DPH6: variants seen among roughly 807,000 people sequenced by gnomAD.
DPH6 encodes the protein diphthine--ammonia ligase.
In DPH6, 33 loss-of-function variants were observed where a neutral mutation model predicts 38.2. That is an observed-to-expected ratio of 0.86 (90% CI 0.65 to 1.15). The LOEUF (loss-of-function observed/expected upper bound fraction) is 1.15, where lower values mean the gene tolerates loss of function less well. Among genes scored for constraint, DPH6 ranks in the 50% most tolerant of loss-of-function variants. The pLI, the probability that DPH6 is intolerant of heterozygous loss-of-function variation, is 0.00. For missense variants in DPH6, 325 were observed against 320.0 expected, an observed-to-expected ratio of 1.02 and a Z score of -0.12; for synonymous variants, 108 against 103.0, an observed-to-expected ratio of 1.05 and a Z score of -0.30.
downstream of DPH6, among the ~76,000 whole-genome samples, chr15:35,212,426 C>A (rs189737913): frequency 5.9e-5 from 9 of 152,202 alleles, 1 homozygote; most frequent in African/African-American, 2.2e-4. Flanking sequence ...AAAAGAAATA[C>A]AAGCAGGTTA....
At chr15:35,496,652 T>C (rs539385322) in intron 3 of DPH6, among the ~76,000 whole-genome samples, 1 of 140,920 alleles carries the variant, frequency 7.1e-6, no homozygotes, top group East Asian at 2.2e-4. Context: ...GCAACAGACT[T>C]GACCAGGGAT....
intron 3 of DPH6, among the ~76,000 whole-genome samples, chr15:35,318,470 C>CAT (rs2052212085): frequency 1.3e-5 from 2 of 151,988 alleles, no homozygotes; most frequent in African/African-American, 4.8e-5. Flanking sequence ...ACTTAATTGG[C>CAT]ATATATATAA....
chr15:35,173,789 G>A, the DPH6 span, among the ~76,000 whole-genome samples: 1 of 152,010 alleles, frequency 6.6e-6, no homozygotes, highest in African/African-American at 2.4e-5. Flanking sequence ...GATACCGAAG[G>A]TCCTGCTCTA....
At chr15:35,166,288 C>T in the DPH6 span, among the ~76,000 whole-genome samples, 2 of 151,870 alleles carry the variant, frequency 1.3e-5, no homozygotes, top group African/African-American at 4.8e-5. Flanking sequence ...CTGTTTATAA[C>T]ACTTATTTTA....
intron 3 of DPH6, among the ~76,000 whole-genome samples, chr15:35,257,159 A>G (rs1345226819): frequency 1.3e-5 from 2 of 152,232 alleles, no homozygotes; most frequent in Admixed American, 1.3e-4. Context: ...AGATGACATT[A>G]GCATAGCATA....
At chr15:35,428,431 C>A (rs1373430633) in intron 5 of DPH6, among the ~76,000 whole-genome samples, 1 of 151,818 alleles carries the variant, frequency 6.6e-6, no homozygotes, top group African/African-American at 2.4e-5. Flanking sequence ...CTCCAAAAAG[C>A]AAACTTAGTC....
chr15:35,341,653 G>T (rs1341829074), intron 3 of DPH6, among the ~76,000 whole-genome samples: 1 of 152,166 alleles, frequency 6.6e-6, no homozygotes, highest in Non-Finnish European at 1.5e-5. Flanking sequence ...GTCCACTCCA[G>T]ACTCTAGTTG....
chr15:35,348,437 T>C (rs955796487), intron 3 of DPH6, among the ~76,000 whole-genome samples: 11 of 152,316 alleles, frequency 7.2e-5, no homozygotes, highest in African/African-American at 2.4e-4. Context: ...ACATCTTTGC[T>C]GAAAATCATT....
chr15:35,224,407 T>G (rs1254416868), intron 3 of DPH6, among the ~76,000 whole-genome samples: 1 of 152,172 alleles, frequency 6.6e-6, no homozygotes, highest in Non-Finnish European at 1.5e-5. Context: ...ACGCCTGGCC[T>G]GATTTTAGCT....
intron 5 of DPH6, among the ~76,000 whole-genome samples, chr15:35,442,865 G>A (rs1161316479): frequency 1.3e-5 from 2 of 152,110 alleles, no homozygotes; most frequent in African/African-American, 4.8e-5. Context: ...CTTAAAGCTG[G>A]GAGCAGTGGG....
chr15:35,271,368 T>C (rs1420778406), intron 3 of DPH6, among the ~76,000 whole-genome samples: 2 of 152,162 alleles, frequency 1.3e-5, no homozygotes, highest in Non-Finnish European at 2.9e-5. Flanking sequence ...TATGAAAATA[T>C]ATTCTTTGCA....
chr15:35,327,819 G>C (rs8029270), downstream of DPH6, among the ~76,000 whole-genome samples: 45,886 of 151,996 alleles, frequency 0.3, 7,056 homozygotes, highest in South Asian at 0.4. Context: ...TAGATAAATA[G>C]AGTATTTTGA....
At chr15:35,340,883 T>TA (rs1300839880) in intron 3 of DPH6, among the ~76,000 whole-genome samples, 1 of 152,154 alleles carries the variant, frequency 6.6e-6, no homozygotes, top group African/African-American at 2.4e-5. Context: ...TGGAGTATCT[T>TA]ACTGTGGTTC....
At chr15:35,224,787 T>C (rs895712259) in intron 3 of DPH6, among the ~76,000 whole-genome samples, 3 of 152,230 alleles carry the variant, frequency 2.0e-5, no homozygotes, top group Non-Finnish European at 2.9e-5. Flanking sequence ...GTGGATTTAA[T>C]AGATTTTTAA....
intron 3 of DPH6, among the ~76,000 whole-genome samples, chr15:35,253,390 T>C (rs1818803296): frequency 6.6e-6 from 1 of 152,186 alleles, no homozygotes; most frequent in African/African-American, 2.4e-5. Context: ...AGGAACTATA[T>C]GAATAAAACA....
chr15:35,382,741 G>C (rs776831666), intron 6 of DPH6, among the ~76,000 whole-genome samples: 7 of 151,814 alleles, frequency 4.6e-5, no homozygotes, highest in Non-Finnish European at 8.8e-5. Context: ...AGTTCCAAGG[G>C]CACTGAGAAC....
the DPH6 span, among the ~76,000 whole-genome samples, chr15:35,199,744 A>G: frequency 6.6e-6 from 1 of 152,144 alleles, no homozygotes; most frequent in Non-Finnish European, 1.5e-5. Flanking sequence ...CTACAACACA[A>G]GACAAAATGG....
intron 3 of DPH6, chr15:35,520,228 AAC>A (rs1491467997): frequency 0.077 from 39,623 of 513,996 alleles, 946 homozygotes; most frequent in African/African-American, 0.2. Flanking sequence ...TACAAAAAAA[AAC>A]AAAAAAAAAA....
chr15:35,358,058 T>A (rs965891649), intron 3 of DPH6, among the ~76,000 whole-genome samples: 5 of 152,206 alleles, frequency 3.3e-5, no homozygotes, highest in Admixed American at 1.3e-4. Context: ...ATCCCAGGCT[T>A]CTTGGAGGCT....
Sources: gnomAD v4.1 joint callset for allele counts (sites outside exome capture counted in the v4.1 genomes callset) on GRCh38, gnomAD v4.1.1 for gene constraint, MANE v1.5 for transcripts, NCBI Gene and HGNC (gene_info 2026-07-23, HGNC 2026-07-21) for gene names.